Variants in RUSF1 observed in about 807,000 individuals in gnomAD.
The protein encoded by RUSF1 is RUS1 family protein C16orf58.
RUSF1 carries 58 observed loss-of-function variants against 63.0 expected under a neutral mutation model. The ratio of observed to expected loss-of-function variants is 0.92; its 90% CI spans 0.75 to 1.15. The LOEUF (loss-of-function observed/expected upper bound fraction) is 1.15. Among genes scored for constraint, RUSF1 ranks in the 50% most tolerant of loss-of-function variants. RUSF1 has a pLI of 0.00. For synonymous variants in RUSF1, 274 were observed against 255.8 expected (o/e 1.07, Z -0.68); for missense variants, 652 against 611.0 (o/e 1.07, Z -0.71).
Position 31,508,374 on chromosome 16 carries a change from G to A in RUSF1, c.-1C>T. The A allele has an allele frequency of 6.7e-7, 1 of 1,499,738 alleles. No homozygotes were observed. The highest frequency in any genetic ancestry group is 8.8e-7 in the Non-Finnish European group (1 of 1,136,772). 92.9% of individuals were successfully genotyped at this position (1,499,738 alleles called of 1,614,324 possible). ...TCTCCAAACCCGCGTCGTCAGCCATGCCGAGCTTTTGGATCCCAGCCCCGC... is the reference window on the plus strand; with the variant it reads ...TCTCCAAACCCGCGTCGTCAGCCATACCGAGCTTTTGGATCCCAGCCCCGC... On this transcript the variant is annotated 5_prime_UTR_variant, in exon 1 of 13. Transcript: ENST00000327237.
rs1226899020 is a variant in RUSF1 at position 31,493,620 on chromosome 16, A to G, written c.941T>C (p.Met314Thr). The change falls in exon 8 of 13, where the codon ATG becomes ACG. Residue 314 changes from methionine (M) to threonine (T), a missense_variant. Physicochemically the swap from Met to Thr is moderately conservative, Grantham distance 81. Coordinates refer to ENST00000327237, the MANE Select transcript of RUSF1 (RefSeq NM_022744.4). ...AGGGTCACCTGTCCACAGCGGCTCC[A>G]TGCGATTGGCTGCAGTTGGGTCGAG... ...EVLDPTAANR[M>T]EPLWTGFWPA... 6 of 1,614,118 alleles carry G rather than the reference A, an allele frequency of 3.7e-6. No individual in the cohort carries two copies. Among genetic ancestry groups the G allele is most frequent in the Non-Finnish European group, 4.2e-6 (5 of 1,180,044 alleles).
intron 12 of RUSF1, 32 bp downstream of exon 12, chr16:31,491,977 G>A: frequency 6.2e-7 from 1 of 1,612,268 alleles, no homozygotes; most frequent in Non-Finnish European, 8.5e-7. Context: ...AAGGCTTCAG[G>A]GGCCAAGCAG....
At position 31,499,409 on chromosome 16, in the gene RUSF1, T is replaced by C. The variant is rs142469749; in HGVS notation, c.495-2A>G. The C allele has an allele frequency of 2.3e-4, 368 of 1,613,790 alleles. No individual in the cohort carries two copies. The highest frequency in any genetic ancestry group is 3.1e-4 in the Non-Finnish European group (361 of 1,179,944). On this transcript the variant is annotated splice_acceptor_variant, in intron 4 of 12. Transcript: ENST00000327237. LOFTEE classifies it high-confidence loss of function. The stretch of plus-strand genomic sequence containing the variant: ...TCATTGAGGATGTCCGCAAAAAGCC[T>C]GGGGAGGGATCAGAGGTTAGAGGTC...
At chr16:31,502,915 C>T (rs1449398831) in intron 2 of RUSF1, among the ~76,000 whole-genome samples, 1 of 152,242 alleles carries the variant, frequency 6.6e-6, no homozygotes, top group African/African-American at 2.4e-5. Context: ...TAGGCGTGAG[C>T]CACTGTGCCC....
At position 31,500,613 on chromosome 16, in the gene RUSF1, C is replaced by T; in HGVS notation, c.461+73G>A. The stretch of plus-strand genomic sequence containing the variant: ...GAACCCTTACAGCCACAATTAATGG[C>T]AATACTATTACTATCATTACTACCA... On this transcript the variant is annotated intron_variant, in intron 3 of 12. Transcript: ENST00000327237. 5.3e-6 allele frequency: 8 copies of T among 1,523,370 alleles called. No homozygotes were observed. The South Asian group carries it at 7.2e-5, about 14-fold the overall frequency. The allele number at this position is 1,523,370 out of a possible 1,614,324, so 94.4% of individuals were successfully genotyped here. A position where few individuals can be genotyped will look rare whatever the true frequency, so the allele number is the denominator to read the frequency against.
At position 31,501,953 on chromosome 16, in the gene RUSF1, G is replaced by A. The variant is rs147242679; in HGVS notation, c.416-1222C>T. Among the ~76,000 whole-genome samples the A allele has an allele frequency of 1.9e-3, 286 of 152,328 alleles. 1 individual carries two copies. The highest frequency in any genetic ancestry group is 1.0e-3 in the Non-Finnish European group (68 of 68,024). On this transcript the variant is annotated intron_variant, in intron 2 of 12. Coordinates refer to ENST00000327237, the MANE Select transcript of RUSF1 (RefSeq NM_022744.4). ...TCTATAGCTGTTTTTGCAAGACAAT[G>A]ACAGAACTGAGTTGCTGCAACTAAG...
rs768799111 is a variant in RUSF1, at chr16:31,490,918, C to T, written c.1324G>A (p.Gly442Ser). 7.1e-5 allele frequency: 115 copies of T among 1,613,976 alleles called. No homozygotes were observed. Among genetic ancestry groups the T allele is most frequent in the South Asian group, 1.4e-4 (13 of 91,082 alleles). Residue 442 changes from glycine to serine, a missense_variant, in exon 13 of 13, where the codon GGC (glycine) becomes AGC (serine). Physicochemically the swap from Gly to Ser is moderately conservative, Grantham distance 56. Coordinates refer to ENST00000327237, the MANE Select transcript of RUSF1 (RefSeq NM_022744.4). ...PKFLKGLQDA[G>S]WKTEKHQLEV... ...AGCTGGTGCTTCTCGGTCTTCCAGC[C>T]GGCATCCTGCAGTCCTGGGGAGAGA... is the stretch of plus-strand genomic sequence containing the variant.
rs1473963632 is a variant in RUSF1, at chr16:31,507,828, C to T, written c.351G>A (p.Leu117=). The stretch of plus-strand genomic sequence containing the variant: ...CTTTTGCGTTCCCCACCCCTATGCC[C>T]AGCAAGACTGCCTGGGTGGCTAGGG... The part of the protein sequence containing the change: ...SGSLATQAVL[L]GIGVGNAKAT... Residue 117 remains leucine, a synonymous_variant, in exon 2 of 13, where the codon CTG becomes CTA. Coordinates refer to ENST00000327237, the MANE Select transcript of RUSF1 (RefSeq NM_022744.4). The T allele has an allele frequency of 6.3e-7, 1 of 1,578,456 alleles. No homozygotes were observed. The highest frequency in any genetic ancestry group is 8.6e-7 in the Non-Finnish European group (1 of 1,161,622).
At position 31,499,508 on chromosome 16, in the gene RUSF1, T is replaced by C. The variant is rs1049963645; in HGVS notation, c.479A>G (p.Asn160Ser). 6.5e-6 allele frequency: 10 copies of C among 1,542,832 alleles called. No individual in the cohort carries two copies. The African/African-American group carries it at 9.7e-5, about 15-fold the overall frequency. The change falls in exon 4 of 13, where the codon AAT becomes AGT. Residue 160 changes from asparagine (N) to serine (S), a missense_variant. By Grantham distance (46) the Asn-to-Ser change is conservative. Coordinates refer to ENST00000327237, the MANE Select transcript of RUSF1 (RefSeq NM_022744.4). ...CCCTCCTCACCTCCACTGCTTGGCA[T>C]TGCAGTCCAGTTTGCTCCTGTTGGG... ...AWWKGSKLDC[N>S]AKQWRLFADI...
intron 5 of RUSF1, 40 bp from the exon 6 acceptor site, chr16:31,496,990 T>C (rs751936246): frequency 6.6e-7 from 1 of 1,507,358 alleles, no homozygotes; most frequent in Non-Finnish European, 9.0e-7. Flanking sequence ...CAGAGACACG[T>C]GTCCTGGTAA....
At chr16:31,500,114 A>C (rs1457821552) in intron 3 of RUSF1, among the ~76,000 whole-genome samples, 3 of 152,158 alleles carry the variant, frequency 2.0e-5, no homozygotes, top group Non-Finnish European at 4.4e-5. Context: ...CCCTGTGCAC[A>C]AACACTTGGA....
intron 9 of RUSF1, 81 bp downstream of exon 9, chr16:31,493,386 T>G (rs2082584117): frequency 2.7e-6 from 4 of 1,506,136 alleles, no homozygotes; most frequent in Non-Finnish European, 9.0e-7. Context: ...GGTGGGGCCT[T>G]GCCAGGGAGG....
intron 2 of RUSF1, among the ~76,000 whole-genome samples, chr16:31,506,068 T>A (rs1451327813): frequency 6.6e-6 from 1 of 152,192 alleles, no homozygotes; most frequent in Non-Finnish European, 1.5e-5. Context: ...TGAATAGGTA[T>A]AAGAAAATGA....
Position 31,492,969 on chromosome 16 carries a change from C to T in RUSF1, c.1087+9G>A, listed in dbSNP as rs769914157. 1 of 1,604,672 alleles carries T rather than the reference C, an allele frequency of 6.2e-7. No homozygotes were observed. The highest frequency in any genetic ancestry group is 1.1e-5 in the South Asian group (1 of 90,446). ...TGCGTCTTAGGCTGGGAGAATGAGG[C>T]ACACTCACTTTGTGACTGGTCCCAG... is the stretch of plus-strand genomic sequence containing the variant. On this transcript the variant is annotated intron_variant, in intron 10 of 12. Transcript: ENST00000327237.
chr16:31,492,362 C>T, intron 10 of RUSF1, 22 bp from the exon 11 acceptor site: 1 of 1,523,518 alleles, frequency 6.6e-7, no homozygotes, highest in Middle Eastern at 1.8e-4. Flanking sequence ...CAGAGACAGA[C>T]TGGTATCAGG....
chr16:31,499,627 G>A (rs1596629330), intron 3 of RUSF1, 102 bp from the exon 4 acceptor site: 5 of 1,112,064 alleles, frequency 4.5e-6, no homozygotes, highest in Admixed American at 2.8e-5. Flanking sequence ...AAGAGCTCAG[G>A]AAAACCCACA....
rs368071047 is a variant in RUSF1, at chr16:31,490,468, G to A, written c.*367C>T. The A allele has an allele frequency of 5.0e-6, 8 of 1,613,834 alleles. No individual in the cohort carries two copies. In the African/African-American group the frequency reaches 6.7e-5, roughly 13 times the overall value. Reference sequence around the variant, plus strand: ...ATCAGCGAGGACCCGAGCTGGGCCCGTGTGGTCAACCTCAATGCCCTGCTC... The same window carrying A: ...ATCAGCGAGGACCCGAGCTGGGCCCATGTGGTCAACCTCAATGCCCTGCTC... On this transcript the variant is annotated 3_prime_UTR_variant, in exon 13 of 13. Transcript: ENST00000327237.
chr16:31,491,041 G>C (rs1186505619), intron 12 of RUSF1, 109 bp from the exon 13 acceptor site: 1 of 974,798 alleles, frequency 1.0e-6, no homozygotes, highest in Non-Finnish European at 1.6e-6. Flanking sequence ...TGCCTCTGCT[G>C]GGTGAGTATG....
In RUSF1 at chr16:31,489,809, A is replaced by G; in HGVS notation, c.*1026T>C. 2 of 466,796 alleles carry G rather than the reference A, an allele frequency of 4.3e-6. No individual in the cohort carries two copies. The highest frequency in any genetic ancestry group is 7.9e-6 in the Non-Finnish European group (2 of 252,300). The allele number at this position is 466,796 out of a possible 1,614,324, so 28.9% of individuals were successfully genotyped here. ...CACACAGGCACAGAACACTGTGAGC[A>G]GGACTGCCAGGCCAGTGTCACAAGC... On this transcript the variant is annotated 3_prime_UTR_variant, in exon 13 of 13. Transcript: ENST00000327237.
Sources: gnomAD v4.1 joint callset for allele counts (sites outside exome capture counted in the v4.1 genomes callset) on GRCh38, gnomAD v4.1.1 for gene constraint, MANE v1.5 for transcripts, NCBI Gene and HGNC (gene_info 2026-07-23, HGNC 2026-07-21) for gene names.